The following GCN1 variants were observed in gnomAD, a reference collection of about 807,000 sequenced individuals.
The protein encoded by GCN1 is GCN1 activator of EIF2AK4, also known as stalled ribosome sensor GCN1.
Under a neutral mutation model 288.4 loss-of-function variants are expected in GCN1, and 90 were observed. The observed-to-expected ratio is 0.31, with a 90% CI of 0.26 to 0.37. The LOEUF is 0.37. Ranked by LOEUF, GCN1 falls within the 10% of genes least tolerant of loss-of-function variation. The probability of loss-of-function intolerance (pLI) is 1.00; values close to 1 mark genes in which losing one functional copy is unlikely to be tolerated. For missense variants in GCN1, 2,586 were observed against 3,419.9 expected (o/e 0.76, Z 6.08); for synonymous variants, 1,386 against 1,420.2 (o/e 0.98, Z 0.54).
In GCN1 at chr12:120,129,358, T is replaced by C. The variant is rs1455731725; in HGVS notation, c.7808A>G (p.Asp2603Gly). ...GTAGGCCCTGACCACGGTGTTCTTA[T>C]CCTTGGTGTTGTCAAGAAGAGCCTT... Reference protein sequence around the residue: ...ILKALLDNTKDKNTVVRAYSD... With the variant: ...ILKALLDNTKGKNTVVRAYSD... The change falls in exon 57 of 58, where the codon GAT becomes GGT. Residue 2603 changes from aspartate to glycine, a missense_variant. Asp to Gly is a moderately conservative substitution (Grantham distance 94, BLOSUM62 -1). Around this residue, in one of 8 missense-constraint regions of GCN1, gnomAD observed 355 missense variants for 431.1 expected, o/e 0.82. Transcript: ENST00000300648. 2 of 1,613,944 alleles carry C rather than the reference T, an allele frequency of 1.2e-6. No individual in the cohort carries two copies. The highest frequency in any genetic ancestry group is 3.3e-5 in the Admixed American group (2 of 59,996).
At position 120,173,666 on chromosome 12, in the gene GCN1, C is replaced by T. The variant is rs745694629; in HGVS notation, c.1353G>A (p.Leu451=). The T allele has an allele frequency of 3.7e-6, 6 of 1,608,466 alleles. No homozygotes were observed. The highest frequency in any genetic ancestry group is 5.1e-6 in the Non-Finnish European group (6 of 1,175,034). ...GAGTTGTCTTACCCCGGTAAGAGGC[C>T]AACATGCACTGCAGGTAGGCATGCC... is the stretch of plus-strand genomic sequence containing the variant. ...AVRHAYLQCM[L]ASYRGDTLLQ... is the part of the protein sequence containing the mutation. The change falls in exon 14 of 58, where the codon TTG becomes TTA. Residue 451 remains leucine, a synonymous_variant. Transcript: ENST00000300648.
chr12:120,188,645 C>A (rs1878905560), intron 2 of GCN1, among the ~76,000 whole-genome samples: 1 of 151,882 alleles, frequency 6.6e-6, no homozygotes, highest in Non-Finnish European at 1.5e-5. Context: ...GTCAGGAGAT[C>A]GAGACCATCC....
chr12:120,177,795 TA>T (rs1878527919), intron 7 of GCN1, 43 bp from the exon 8 acceptor site: 1 of 1,401,952 alleles, frequency 7.1e-7, no homozygotes, highest in Non-Finnish European at 1.0e-6. Context: ...CATTCTCAAG[TA>T]TCTCATCACT....
chr12:120,149,760 C>A lies in GCN1; in HGVS notation c.4432-40G>T, dbSNP rs369082402. ...AAACACATTCAGGGGCCTCCTCACCCAAGCAAGGGGCAAGGCCTGACACCA... is the reference window on the plus strand; with the variant it reads ...AAACACATTCAGGGGCCTCCTCACCAAAGCAAGGGGCAAGGCCTGACACCA... On this transcript the variant is annotated intron_variant, in intron 35 of 57. Coordinates refer to ENST00000300648, the MANE Select transcript of GCN1 (RefSeq NM_006836.2). 701 of 1,571,380 alleles carry A rather than the reference C, an allele frequency of 4.5e-4. 14 individuals are homozygous for A. The South Asian group carries it at 6.3e-3, about 14-fold the overall frequency.
intron 42 of GCN1, among the ~76,000 whole-genome samples, chr12:120,143,927 G>C (rs1009773545): frequency 6.6e-6 from 1 of 152,224 alleles, no homozygotes; most frequent in Non-Finnish European, 1.5e-5. Context: ...GCAACATTCT[G>C]CTCTTCATTT....
rs188531636 is a variant in GCN1 at position 120,161,560 on chromosome 12, T to C, written c.2366A>G (p.Lys789Arg). 619 of 1,612,200 alleles carry C rather than the reference T, an allele frequency of 3.8e-4. 2 individuals are homozygous for C. Among genetic ancestry groups the C allele is most frequent in the Non-Finnish European group, 5.6e-5 (66 of 1,178,294 alleles). ...TTTGTTCTCTCGCTTCATGTTGGCC[T>C]TTTTTATGCTGTCCTGCTGGGCACT... ...IQSAQQDSIK[K>R]ANMKRENKAY... Residue 789 changes from lysine to arginine, a missense_variant, in exon 22 of 58, where the codon AAG becomes AGG. Lys to Arg is a conservative substitution (Grantham distance 26, BLOSUM62 2). This residue lies in a region of GCN1 where 913 missense variants were observed against 1,107.0 expected (regional missense o/e 0.82). Coordinates refer to ENST00000300648, the MANE Select transcript of GCN1 (RefSeq NM_006836.2).
Position 120,162,240 on chromosome 12 carries a change from T to A in GCN1, c.2164-182A>T, listed in dbSNP as rs1350648734. ...GTCTGCTTTCCTCACCAAGCAGTGCTCCTCTGTCTGACACAGCACCTGACG... is the reference window on the plus strand; with the variant it reads ...GTCTGCTTTCCTCACCAAGCAGTGCACCTCTGTCTGACACAGCACCTGACG... On this transcript the variant is annotated intron_variant, in intron 20 of 57. Transcript: ENST00000300648. 4 of 599,388 alleles carry A rather than the reference T, an allele frequency of 6.7e-6. No homozygotes were observed. The East Asian group carries it at 8.3e-5, about 12-fold the overall frequency. 37.1% of individuals were successfully genotyped at this position (599,388 alleles called of 1,614,324 possible). A position where few individuals can be genotyped will look rare whatever the true frequency, so the allele number is the denominator to read the frequency against.
At chr12:120,194,544 A>G in intron 1 of GCN1, 136 bp downstream of exon 1, 1 of 865,614 alleles carries the variant, frequency 1.2e-6, no homozygotes, top group East Asian at 3.3e-5. Context: ...GTCCAGCCTG[A>G]GACGGCCCCG....
chr12:120,164,339 G>A lies in GCN1; in HGVS notation c.1845C>T (p.His615=). ...LEELKTVLSS[H]KVLPLEALVT... ...TCTAGAGCCCAGATGCCCTCACCTT[G>A]TGAGAACTGAGGACAGTCTTCAGCT... is the stretch of plus-strand genomic sequence containing the variant. The change falls in exon 18 of 58, where the codon CAC becomes CAT. Residue 615 remains histidine, a synonymous_variant. Coordinates refer to ENST00000300648, the MANE Select transcript of GCN1 (RefSeq NM_006836.2). The A allele has an allele frequency of 1.2e-6, 2 of 1,613,024 alleles. No individual in the cohort carries two copies. Among genetic ancestry groups the A allele is most frequent in the South Asian group, 1.1e-5 (1 of 91,048 alleles).
rs755861508 is a variant in GCN1 at position 120,134,310 on chromosome 12, C to T, written c.7298G>A (p.Ser2433Asn). ...IRKNIVSLLL[S>N]MLGHDEDNTR... The stretch of plus-strand genomic sequence containing the variant: ...CCGTACCTCATCGTGTCCCAGCATG[C>T]TCAGCAGGAGTGAGACGATGTTTTT... The change falls in exon 53 of 58, where the codon AGC (serine) becomes AAC (asparagine). Residue 2433 changes from serine (S) to asparagine (N), a missense_variant. Around this residue, in one of 8 missense-constraint regions of GCN1, gnomAD observed 355 missense variants for 431.1 expected, o/e 0.82. Transcript: ENST00000300648. The surrounding 1 kb of genome is among the most constrained non-coding windows in gnomAD (Gnocchi z 5.0). 9.3e-6 allele frequency: 15 copies of T among 1,613,286 alleles called. No homozygotes were observed. Among genetic ancestry groups the T allele is most frequent in the Non-Finnish European group, 1.2e-5 (14 of 1,179,406 alleles).
At position 120,173,519 on chromosome 12, in the gene GCN1, T is replaced by A; in HGVS notation, c.1366+134A>T. 6.2e-6 allele frequency: 4 copies of A among 645,498 alleles called. No homozygotes were observed. The South Asian group carries it at 8.4e-5, about 14-fold the overall frequency. The allele number at this position is 645,498 out of a possible 1,614,324, so 40.0% of individuals were successfully genotyped here. A position where few individuals can be genotyped will look rare whatever the true frequency, so the allele number is the denominator to read the frequency against. On this transcript the variant is annotated intron_variant, in intron 14 of 57. Transcript: ENST00000300648. ...GGATTTTGGGCTAAGCCCAATGCTC[T>A]CATTTATTTCAGGAAGAATTAAACA...
chr12:120,188,492 A>G (rs746371243), intron 2 of GCN1, among the ~76,000 whole-genome samples: 5 of 150,202 alleles, frequency 3.3e-5, no homozygotes, highest in Admixed American at 6.7e-5. Context: ...GGAATCCTTT[A>G]TTGGCCAATC....
chr12:120,139,661 C>A (rs900456759), intron 45 of GCN1, among the ~76,000 whole-genome samples: 1 of 152,046 alleles, frequency 6.6e-6, no homozygotes, highest in South Asian at 2.1e-4. Flanking sequence ...ATGTGATGCA[C>A]CCCCATGTAT....
intron 36 of GCN1, 102 bp downstream of exon 36, chr12:120,149,504 C>T: frequency 1.3e-6 from 1 of 792,278 alleles, no homozygotes. Context: ...TATCCCTGGT[C>T]TGGGGAGCTC....
chr12:120,183,795 T>G lies in GCN1; in HGVS notation c.318-118A>C. ...CTCCCTTCACCTCATGGAACAGAACTTGAAACAAGTTCCCCACAAACCATC... is the reference window on the plus strand; with the variant it reads ...CTCCCTTCACCTCATGGAACAGAACGTGAAACAAGTTCCCCACAAACCATC... On this transcript the variant is annotated intron_variant, in intron 4 of 57. Coordinates refer to ENST00000300648, the MANE Select transcript of GCN1 (RefSeq NM_006836.2). 1.7e-5 allele frequency: 11 copies of G among 663,684 alleles called. No homozygotes were observed. In the South Asian group the frequency reaches 1.7e-4, roughly 10 times the overall value. 41.1% of individuals were successfully genotyped at this position (663,684 alleles called of 1,614,324 possible). A position where few individuals can be genotyped will look rare whatever the true frequency, so the allele number is the denominator to read the frequency against.
Position 120,182,173 on chromosome 12 carries a change from CAAAA to C in GCN1, c.426+1392_426+1395del, listed in dbSNP as rs376403303. Reference sequence around the variant, plus strand: ...CTCAAAGAAAACAAAAAAAAAAAAACAAAAAAAACCACTCAGTGCAGATAAGCCA... The same window carrying C: ...CTCAAAGAAAACAAAAAAAAAAAAACAAAACCACTCAGTGCAGATAAGCCA... On this transcript the variant is annotated intron_variant, in intron 5 of 57. Transcript: ENST00000300648. Among the ~76,000 whole-genome samples the C allele has an allele frequency of 8.3e-3, 1,223 of 148,188 alleles. 30 individuals carry two copies. In the East Asian group the frequency reaches 0.1, roughly 13 times the overall value.
At chr12:120,157,779 A>C in intron 26 of GCN1, 70 bp downstream of exon 26, 1 of 1,245,304 alleles carries the variant, frequency 8.0e-7, no homozygotes. Flanking sequence ...TCATGAGACA[A>C]AACGTGTCCA....
chr12:120,175,094 T>G, intron 12 of GCN1, 68 bp downstream of exon 12: 1 of 1,405,954 alleles, frequency 7.1e-7, no homozygotes, highest in Non-Finnish European at 9.7e-7. Context: ...ACCACTGCAC[T>G]CTATCCTAGA....
At chr12:120,188,599 A>T (rs1386164199) in intron 2 of GCN1, among the ~76,000 whole-genome samples, 2 of 152,106 alleles carry the variant, frequency 1.3e-5, no homozygotes, top group South Asian at 2.1e-4. Flanking sequence ...GCGGTGGCTC[A>T]CACCTGTAAT....
Sources: allele counts gnomAD v4.1 joint callset (sites outside exome capture counted in the v4.1 genomes callset), GRCh38; gene constraint gnomAD v4.1.1; regional missense constraint gnomAD v4.1.1; non-coding constraint Gnocchi (gnomAD v3.1); transcripts MANE v1.5; gene names NCBI Gene and HGNC (gene_info 2026-07-23, HGNC 2026-07-21).